SYMPK: variants seen among roughly 807,000 people sequenced by gnomAD.
SYMPK encodes symplekin.
Under a neutral mutation model 136.4 loss-of-function variants are expected in SYMPK, and 49 were observed. The ratio of observed to expected loss-of-function variants is 0.36; its 90% CI spans 0.29 to 0.46. SYMPK has a LOEUF of 0.46. Among genes scored for constraint, SYMPK ranks in the 20% least tolerant of loss-of-function variants. The pLI, the probability that SYMPK is intolerant of heterozygous loss-of-function variation, is 1.00. For missense variants in SYMPK, 1,365 were observed against 1,690.0 expected (o/e 0.81, Z 3.37); for synonymous variants, 766 against 713.0 (o/e 1.07, Z -1.19).
Position 45,829,163 on chromosome 19 carries a change from A to C in SYMPK, c.1792T>G (p.Ser598Ala), listed in dbSNP as rs758327063. Residue 598 changes from serine (S) to alanine (A), a missense_variant, in exon 14 of 27, where the codon TCG (serine) becomes GCG (alanine). Ser to Ala is a moderately conservative substitution (Grantham distance 99). Coordinates refer to ENST00000245934, the MANE Select transcript of SYMPK (RefSeq NM_004819.3). ...GACAGGACCTCCGCCTTCAGGCCCGAGTTGAACTGTGTCACCAGGCTGGCC... is the reference window on the plus strand; with the variant it reads ...GACAGGACCTCCGCCTTCAGGCCCGCGTTGAACTGTGTCACCAGGCTGGCC... ...ILASLVTQFN[S>A]GLKAEVLSFI... is the part of the protein sequence containing the mutation. The C allele has an allele frequency of 1.2e-6, 2 of 1,614,118 alleles. No homozygotes were observed. The highest frequency in any genetic ancestry group is 3.3e-5 in the Admixed American group (2 of 60,022).
At position 45,816,463 on chromosome 19, in the gene SYMPK, TG is replaced by T; in HGVS notation, c.3354+18del. On this transcript the variant is annotated intron_variant, in intron 25 of 26. Transcript: ENST00000245934. ...GTGGGAGTCTGGGGATCCAGATGGGTGGGCTGCAGGGCCCTCACCTCCTCCA... is the reference window on the plus strand; with the variant it reads ...GTGGGAGTCTGGGGATCCAGATGGGTGGCTGCAGGGCCCTCACCTCCTCCA... 1 of 1,603,716 alleles carries T rather than the reference TG, an allele frequency of 6.2e-7. No individual in the cohort carries two copies.
chr19:45,825,049 C>T, intron 18 of SYMPK, 122 bp downstream of exon 18: 1 of 1,310,600 alleles, frequency 7.6e-7, no homozygotes, highest in East Asian at 2.4e-5. Flanking sequence ...CCTGGGTCGG[C>T]CCGGGGTGAC....
Position 45,827,797 on chromosome 19 carries a change from T to A in SYMPK, c.2067+40A>T, listed in dbSNP as rs375294518. On this transcript the variant is annotated intron_variant, in intron 15 of 26. Coordinates refer to ENST00000245934, the MANE Select transcript of SYMPK (RefSeq NM_004819.3). ...TCAGACCCCTCAGGGCAGGGCCCTG[T>A]CCCCTGCCCCGGGCTGCACTGACCA... 5 of 1,589,774 alleles carry A rather than the reference T, an allele frequency of 3.1e-6. No individual in the cohort carries two copies. The African/African-American group carries it at 6.7e-5, about 21-fold the overall frequency.
intron 18 of SYMPK, among the ~76,000 whole-genome samples, 190 bp downstream of exon 18, chr19:45,824,981 G>A (rs1399417870): frequency 1.3e-5 from 2 of 152,238 alleles, no homozygotes; most frequent in Admixed American, 1.3e-4. Context: ...GCTCCTAACT[G>A]CCGGGCCACT....
intron 12 of SYMPK, chr19:45,831,169 ATTTT>A (rs10714046): frequency 1.5e-3 from 519 of 341,670 alleles, no homozygotes; most frequent in Middle Eastern, 2.2e-3. Flanking sequence ...ATAAAAAAGG[ATTTT>A]TTTTTTTTTT....
At chr19:45,859,195 A>G (rs1277183576) in intron 1 of SYMPK, among the ~76,000 whole-genome samples, 1 of 151,966 alleles carries the variant, frequency 6.6e-6, no homozygotes. Context: ...CGGCCTCCCC[A>G]ATCACTGGGT....
At chr19:45,827,675 G>C (rs766134872) in intron 15 of SYMPK, 52 bp from the exon 16 acceptor site, 26 of 1,557,696 alleles carry the variant, frequency 1.7e-5, no homozygotes, top group Non-Finnish European at 2.0e-5. Context: ...TGTGCCTCTG[G>C]GCTCTGTCTT....
chr19:45,854,879 C>CTTTTTTTT (rs35065812), intron 1 of SYMPK: 15,846 of 153,666 alleles, frequency 0.1, 834 homozygotes, highest in Admixed American at 0.12. Context: ...AGCAAACTTT[C>CTTTTTTTT]TTTTTTTTTT....
At chr19:45,832,027 G>T (rs914109962) in intron 11 of SYMPK, among the ~76,000 whole-genome samples, 1 of 151,996 alleles carries the variant, frequency 6.6e-6, no homozygotes, top group Admixed American at 6.6e-5. Flanking sequence ...TTTTTTTGTA[G>T]AGATGAGGTC....
Position 45,821,009 on chromosome 19 carries a change from T to C in SYMPK, c.2893+375A>G. 1.7e-6 allele frequency: 1 copy of C among 595,924 alleles called. No homozygotes were observed. Among genetic ancestry groups the C allele is most frequent in the Non-Finnish European group, 3.0e-6 (1 of 335,628 alleles). 36.9% of individuals were successfully genotyped at this position (595,924 alleles called of 1,614,324 possible). On this transcript the variant is annotated intron_variant, in intron 22 of 26. Coordinates refer to ENST00000245934, the MANE Select transcript of SYMPK (RefSeq NM_004819.3). This position sits in a 1 kb window ranked among gnomAD's most constrained non-coding sequence, Gnocchi z 4.4. ...CTGGCCCACAAGTGCCCTGGAGCCCTGGGTCTGCCCTGCTGCTGCGCCTCT... is the reference window on the plus strand; with the variant it reads ...CTGGCCCACAAGTGCCCTGGAGCCCCGGGTCTGCCCTGCTGCTGCGCCTCT...
chr19:45,816,625 G>C, intron 24 of SYMPK, 48 bp from the exon 25 acceptor site: 1 of 1,610,428 alleles, frequency 6.2e-7, no homozygotes, highest in African/African-American at 1.3e-5. Flanking sequence ...CTGGCACAGA[G>C]ACCCCATTTG....
chr19:45,825,456 G>T, intron 17 of SYMPK, 125 bp from the exon 18 acceptor site: 1 of 1,232,494 alleles, frequency 8.1e-7, no homozygotes, highest in South Asian at 1.6e-5. Flanking sequence ...GGGCTGGGGA[G>T]CTAATTGTTC....
chr19:45,861,284 ATTC>A lies in SYMPK; in HGVS notation c.-13+1771_-13+1773del, dbSNP rs61626620. 4.3e-3 allele frequency among the ~76,000 whole-genome samples: 658 copies of A among 152,204 alleles called. 4 individuals carry two copies. Among genetic ancestry groups the A allele is most frequent in the African/African-American group, 0.012 (501 of 41,518 alleles). On this transcript the variant is annotated intron_variant, in intron 1 of 26. Coordinates refer to ENST00000245934, the MANE Select transcript of SYMPK (RefSeq NM_004819.3). ...CAACCAAAATATTTTACCCTGTTTC[ATTC>A]TTCTTCTGCTTTTTGGTTTATGCTT...
chr19:45,855,995 A>G (rs979922781), intron 1 of SYMPK, among the ~76,000 whole-genome samples: 1 of 152,046 alleles, frequency 6.6e-6, no homozygotes, highest in African/African-American at 2.4e-5. Context: ...GAAAAAATAT[A>G]TATGTTAAAA....
chr19:45,818,930 T>C (rs1970818243), intron 22 of SYMPK: 1 of 151,998 alleles, frequency 6.6e-6, no homozygotes, highest in Non-Finnish European at 1.5e-5. Flanking sequence ...AGGAAGTCTT[T>C]ATTGAGCCAG....
At position 45,824,006 on chromosome 19, in the gene SYMPK, G is replaced by A. The variant is rs554797260; in HGVS notation, c.2491-131C>T. 1.4e-4 allele frequency: 73 copies of A among 523,110 alleles called. No homozygotes were observed. The Middle Eastern group carries it at 2.1e-3, about 15-fold the overall frequency. The allele number at this position is 523,110 out of a possible 1,614,324, so 32.4% of individuals were successfully genotyped here. On this transcript the variant is annotated intron_variant, in intron 18 of 26. Transcript: ENST00000245934. Reference sequence around the variant, plus strand: ...ACTGAGGTGACAGGGTTTGGAGGGCGGGGGAAAGGTGGGGAAGGGCAGGAG... The same window carrying A: ...ACTGAGGTGACAGGGTTTGGAGGGCAGGGGAAAGGTGGGGAAGGGCAGGAG...
intron 10 of SYMPK, among the ~76,000 whole-genome samples, chr19:45,837,730 G>A (rs767128185): frequency 6.6e-6 from 1 of 152,040 alleles, no homozygotes; most frequent in Non-Finnish European, 1.5e-5. Context: ...GGTAGCAAGT[G>A]AGGGTTGGGC....
At chr19:45,846,863 A>G (rs1350306161) in intron 7 of SYMPK, among the ~76,000 whole-genome samples, 10 of 151,164 alleles carry the variant, frequency 6.6e-5, no homozygotes, top group Non-Finnish European at 1.0e-4. Context: ...GCACAGTCTC[A>G]GCTCACTGCA....
intron 12 of SYMPK, chr19:45,830,759 G>T (rs1246055975): frequency 6.6e-6 from 1 of 152,302 alleles, no homozygotes; most frequent in East Asian, 1.9e-4. Flanking sequence ...CGTGGTGGCG[G>T]GCGCCTGTAG....
Sources: gnomAD v4.1 joint callset for allele counts (sites outside exome capture counted in the v4.1 genomes callset) on GRCh38, gnomAD v4.1.1 for gene constraint, Gnocchi (gnomAD v3.1) non-coding constraint, MANE v1.5 for transcripts, NCBI Gene and HGNC (gene_info 2026-07-23, HGNC 2026-07-21) for gene names.